The following XRN1 variants were observed in gnomAD, a reference collection of about 807,000 sequenced individuals.
XRN1 encodes the protein 5'-3' exoribonuclease 1.
Under a neutral mutation model 222.3 loss-of-function variants are expected in XRN1, and 67 were observed. The ratio of observed to expected loss-of-function variants is 0.30; its 90% CI spans 0.25 to 0.37. XRN1 has a LOEUF of 0.37. XRN1 is among the 10% of genes least tolerant of loss of function. The pLI, the probability that XRN1 is intolerant of heterozygous loss-of-function variation, is 1.00. For missense variants in XRN1, 1,707 were observed against 2,000.2 expected (o/e 0.85, Z 2.80); for synonymous variants, 643 against 652.4 (o/e 0.99, Z 0.22).
At chr3:142,411,983 C>T (rs970990610) in intron 15 of XRN1, among the ~76,000 whole-genome samples, 5 of 151,900 alleles carry the variant, frequency 3.3e-5, no homozygotes, top group East Asian at 3.9e-4. Context: ...CCACCTTGCC[C>T]GGCTAATTTT....
rs565055032 is a variant in XRN1 at position 142,344,096 on chromosome 3, T to TG, written c.3877+3137dup. 1.0e-2 allele frequency among the ~76,000 whole-genome samples: 430 copies of TG among 43,082 alleles called. 2 individuals are homozygous for TG. Among genetic ancestry groups the TG allele is most frequent in the African/African-American group, 0.03 (352 of 11,548 alleles). 28.3% of individuals were successfully genotyped at this position (43,082 alleles called of 152,430 possible). A position where few individuals can be genotyped will look rare whatever the true frequency, so the allele number is the denominator to read the frequency against. ...GGTTACTAGAGGCTGGGAAGAGTAG[T>TG]GGGGGGGAGGGGTGGGAAGTGGGGA... On this transcript the variant is annotated intron_variant, in intron 33 of 40. Transcript: ENST00000392981.
chr3:142,430,424 TA>T (rs1289592956), intron 2 of XRN1, among the ~76,000 whole-genome samples: 3 of 152,110 alleles, frequency 2.0e-5, no homozygotes, highest in Non-Finnish European at 4.4e-5. Flanking sequence ...GGGAGTATGG[TA>T]AAAAATAGTT....
At chr3:142,349,792 C>A (rs2066253632) in intron 32 of XRN1, among the ~76,000 whole-genome samples, 1 of 152,014 alleles carries the variant, frequency 6.6e-6, no homozygotes, top group Admixed American at 6.6e-5. Flanking sequence ...TCTCATAATT[C>A]TTAGGACATT....
chr3:142,411,329 T>C (rs1267758872), intron 15 of XRN1, among the ~76,000 whole-genome samples: 1 of 152,190 alleles, frequency 6.6e-6, no homozygotes, highest in Non-Finnish European at 1.5e-5. Flanking sequence ...CCATTGTTTG[T>C]TCATTTTCTG....
Position 142,432,902 on chromosome 3 carries a change from C to A in XRN1, c.76-9G>T, listed in dbSNP as rs762553265. 2 of 1,585,678 alleles carry A rather than the reference C, an allele frequency of 1.3e-6. No homozygotes were observed. The highest frequency in any genetic ancestry group is 1.7e-6 in the Non-Finnish European group (2 of 1,160,808). ...TTGTCAAATTCAGGAATCTGAAAAACAAAGAAAAATGCTTGAGATCATTTA... is the reference window on the plus strand; with the variant it reads ...TTGTCAAATTCAGGAATCTGAAAAAAAAAGAAAAATGCTTGAGATCATTTA... On this transcript the variant is annotated splice_polypyrimidine_tract_variant and intron_variant, in intron 1 of 40. Transcript: ENST00000392981.
Position 142,434,544 on chromosome 3 carries a change from G to A in XRN1, c.76-1651C>T, listed in dbSNP as rs556322929. Among the ~76,000 whole-genome samples the A allele has an allele frequency of 9.6e-5, 13 of 135,104 alleles. No homozygotes were observed. In the South Asian group the frequency reaches 1.2e-3, roughly 12 times the overall value. 88.6% of individuals were successfully genotyped at this position (135,104 alleles called of 152,430 possible). ...TTTTTTTTTTTACATTTTACAGAACGATTTTCCAAAGTTTTCCTAGGAGAA... is the reference window on the plus strand; with the variant it reads ...TTTTTTTTTTTACATTTTACAGAACAATTTTCCAAAGTTTTCCTAGGAGAA... On this transcript the variant is annotated intron_variant, in intron 1 of 40. Transcript: ENST00000392981.
intron 33 of XRN1, among the ~76,000 whole-genome samples, chr3:142,343,219 G>A (rs982646670): frequency 3.9e-5 from 6 of 152,036 alleles, no homozygotes; most frequent in Non-Finnish European, 1.5e-5. Context: ...ACTTTGGGAG[G>A]CCGAGGCATG....
At chr3:142,392,908 C>A (rs1477856437) in intron 20 of XRN1, among the ~76,000 whole-genome samples, 1 of 149,632 alleles carries the variant, frequency 6.7e-6, no homozygotes, top group Non-Finnish European at 1.5e-5. Context: ...ACACTGACTT[C>A]CACAATGGTT....
At chr3:142,398,522 A>G (rs2108008850) in intron 19 of XRN1, among the ~76,000 whole-genome samples, 1 of 152,150 alleles carries the variant, frequency 6.6e-6, no homozygotes, top group Non-Finnish European at 1.5e-5. Context: ...GCACACCACC[A>G]TGCCTAGCTA....
chr3:142,347,602 T>C (rs981686970), intron 32 of XRN1, among the ~76,000 whole-genome samples: 11 of 144,724 alleles, frequency 7.6e-5, no homozygotes, highest in Non-Finnish European at 1.5e-4. Flanking sequence ...AAAATGCTAC[T>C]TTTTTTTTTT....
intron 29 of XRN1, among the ~76,000 whole-genome samples, chr3:142,364,441 AT>A (rs200805578): frequency 1.9e-4 from 28 of 148,888 alleles, no homozygotes; most frequent in Admixed American, 6.0e-4. Context: ...CCCTTCTCTG[AT>A]TTTTTTTTTC....
intron 17 of XRN1, 44 bp downstream of exon 17, chr3:142,403,825 A>G: frequency 6.2e-7 from 1 of 1,611,338 alleles, no homozygotes. Flanking sequence ...TAATCACTTC[A>G]CACTTAATAA....
intron 1 of XRN1, among the ~76,000 whole-genome samples, chr3:142,434,823 T>C (rs1435924697): frequency 1.3e-5 from 2 of 152,084 alleles, no homozygotes; most frequent in Non-Finnish European, 2.9e-5. Context: ...ATCAAACAGA[T>C]GGTTTGAATG....
intron 19 of XRN1, among the ~76,000 whole-genome samples, chr3:142,398,295 A>G (rs2068003145): frequency 6.6e-6 from 1 of 152,122 alleles, no homozygotes; most frequent in African/African-American, 2.4e-5. Flanking sequence ...CTAAGAGACT[A>G]AACATATAAA....
At chr3:142,421,233 T>C (rs1219608713) in intron 9 of XRN1, 80 bp from the exon 10 acceptor site, 4 of 1,316,706 alleles carry the variant, frequency 3.0e-6, no homozygotes, top group Non-Finnish European at 4.0e-6. Context: ...AAACAGTGAC[T>C]ACTACTGGGG....
intron 2 of XRN1, among the ~76,000 whole-genome samples, chr3:142,427,337 T>TA (rs1019622929): frequency 8.0e-4 from 116 of 145,288 alleles, no homozygotes; most frequent in South Asian, 2.0e-3. Context: ...CTGTCTCATT[T>TA]AAAAAAAAAA....
At chr3:142,434,808 A>AAGTT (rs1315394780) in intron 1 of XRN1, among the ~76,000 whole-genome samples, 1 of 152,154 alleles carries the variant, frequency 6.6e-6, no homozygotes, top group Non-Finnish European at 1.5e-5. Flanking sequence ...TGCCCTAGAT[A>AAGTT]AGTTATCAAA....
At chr3:142,369,147 C>T (rs1273198462) in intron 27 of XRN1, among the ~76,000 whole-genome samples, 1 of 152,014 alleles carries the variant, frequency 6.6e-6, no homozygotes, top group African/African-American at 2.4e-5. Context: ...GTTGGCAAAG[C>T]AACAGCATTT....
intron 1 of XRN1, among the ~76,000 whole-genome samples, chr3:142,433,328 T>C (rs2108170415): frequency 6.6e-6 from 1 of 152,308 alleles, no homozygotes. Context: ...ATTTAACATA[T>C]GATGTAAAGC....
Sources: allele counts gnomAD v4.1 joint callset (sites outside exome capture counted in the v4.1 genomes callset), GRCh38; gene constraint gnomAD v4.1.1; transcripts MANE v1.5; gene names NCBI Gene and HGNC (gene_info 2026-07-23, HGNC 2026-07-21).